The following AGAP1 variants were observed in gnomAD, a reference collection of about 807,000 sequenced individuals.
AGAP1 encodes the protein ArfGAP with GTPase domain, ankyrin repeat and PH domain 1.
AGAP1 carries 29 observed loss-of-function variants against 105.3 expected under a neutral mutation model. The ratio of observed to expected loss-of-function variants is 0.28; its 90% confidence interval spans 0.21 to 0.38. The LOEUF (loss-of-function observed/expected upper bound fraction) is 0.38. Among genes scored for constraint, AGAP1 ranks in the 10% least tolerant of loss-of-function variants. The pLI is 1.00. For synonymous variants in AGAP1, 509 were observed against 485.9 expected, an observed-to-expected ratio of 1.05 and a Z score of -0.63; for missense variants, 998 against 1,165.1, an observed-to-expected ratio of 0.86 and a Z score of 2.09.
In AGAP1 at chr2:235,864,055, G is replaced by A. The variant is rs904431233; in HGVS notation, c.1051-19290G>A. Among the ~76,000 whole-genome samples, 9 of 152,318 alleles carry A rather than the reference G, an allele frequency of 5.9e-5. No individual in the cohort carries two copies. The South Asian group carries it at 1.7e-3, about 28-fold the overall frequency. On this transcript the variant is annotated intron_variant, in intron 9 of 17. Transcript: ENST00000304032. The surrounding 1 kb of genome is among the most constrained non-coding windows in gnomAD (Gnocchi z 5.0). ...CTTCATAGCTTGCCTGGTGTGCTCGGTTTTGACTCTATAGATCTGACTTGA... is the reference window on the plus strand; with the variant it reads ...CTTCATAGCTTGCCTGGTGTGCTCGATTTTGACTCTATAGATCTGACTTGA...
intron 1 of AGAP1, among the ~76,000 whole-genome samples, chr2:235,585,614 C>T (rs999400929): frequency 6.6e-6 from 1 of 152,190 alleles, no homozygotes; most frequent in Admixed American, 6.5e-5. Flanking sequence ...TTGATCCTTA[C>T]ATCATCATCT....
chr2:235,671,546 T>C (rs575125501), intron 1 of AGAP1, among the ~76,000 whole-genome samples: 1 of 152,206 alleles, frequency 6.6e-6, no homozygotes, highest in East Asian at 1.9e-4. Flanking sequence ...AGTGTTGTGA[T>C]GTGGACTCAG....
intron 16 of AGAP1, among the ~76,000 whole-genome samples, chr2:236,069,126 TAAAAA>T (rs1056836570): frequency 2.2e-5 from 3 of 138,142 alleles, no homozygotes; most frequent in Non-Finnish European, 4.7e-5. Flanking sequence ...GACTCCATCT[TAAAAA>T]AAAAAAAAGA....
intron 16 of AGAP1, among the ~76,000 whole-genome samples, chr2:236,108,210 CAGTGGG>C (rs2059550274): frequency 6.6e-6 from 1 of 152,244 alleles, no homozygotes; most frequent in Non-Finnish European, 1.5e-5. Context: ...CGCCCGCTCG[CAGTGGG>C]CCGGGGTCTT....
At chr2:235,532,466 A>G (rs1265973344) in intron 1 of AGAP1, among the ~76,000 whole-genome samples, 1 of 152,196 alleles carries the variant, frequency 6.6e-6, no homozygotes, top group African/African-American at 2.4e-5. Context: ...TCGGGCTCCC[A>G]GAATGCTAGG....
At chr2:236,022,321 GACA>G (rs1447825991) in intron 13 of AGAP1, among the ~76,000 whole-genome samples, 1 of 152,188 alleles carries the variant, frequency 6.6e-6, no homozygotes, top group African/African-American at 2.4e-5. Context: ...TAAGCCACAG[GACA>G]ACACCTCTGT....
rs10700794 is a variant in AGAP1 at position 235,686,556 on chromosome 2, TACAC to T, written c.164-22594_164-22591del. 8.1e-3 allele frequency among the ~76,000 whole-genome samples: 829 copies of T among 101,820 alleles called. 5 individuals are homozygous for T. Among genetic ancestry groups the T allele is most frequent in the South Asian group, 0.014 (48 of 3,364 alleles). 66.8% of individuals were successfully genotyped at this position (101,820 alleles called of 152,430 possible). A position where few individuals can be genotyped will look rare whatever the true frequency, so the allele number is the denominator to read the frequency against. ...GGTTCCCAGGAAGGAGATATATATATACACACACACACACACACACACACACACA... is the reference window on the plus strand; with the variant it reads ...GGTTCCCAGGAAGGAGATATATATATACACACACACACACACACACACACA... On this transcript the variant is annotated intron_variant, in intron 1 of 17. Coordinates refer to ENST00000304032, the MANE Select transcript of AGAP1 (RefSeq NM_001037131.3).
chr2:235,589,201 T>TTTTTG (rs1553573653), intron 1 of AGAP1, among the ~76,000 whole-genome samples: 2 of 98,954 alleles, frequency 2.0e-5, no homozygotes, highest in African/African-American at 1.4e-4. Flanking sequence ...TTTGTTTTTT[T>TTTTTG]TTTTTTTTTT....
At chr2:235,823,369 A>G (rs1958904219) in intron 9 of AGAP1, among the ~76,000 whole-genome samples, 1 of 152,094 alleles carries the variant, frequency 6.6e-6, no homozygotes, top group Non-Finnish European at 1.5e-5. Flanking sequence ...TCCTGGCCTC[A>G]AGCAAACCTC....
chr2:236,081,733 C>G (rs946128111), intron 16 of AGAP1, among the ~76,000 whole-genome samples: 2 of 150,262 alleles, frequency 1.3e-5, no homozygotes, highest in Admixed American at 6.6e-5. Context: ...AAGTAGAATC[C>G]TATTGCTAAT....
intron 16 of AGAP1, among the ~76,000 whole-genome samples, chr2:236,086,280 C>T (rs1263379222): frequency 6.6e-6 from 1 of 152,168 alleles, no homozygotes; most frequent in East Asian, 1.9e-4. Context: ...TTACTATTGA[C>T]TTGAAATTCT....
At position 235,983,887 on chromosome 2, in the gene AGAP1, G is replaced by A. The variant is rs1559723984; in HGVS notation, c.1645+15264G>A. Among the ~76,000 whole-genome samples, 1 of 152,170 alleles carries A rather than the reference G, an allele frequency of 6.6e-6. No homozygotes were observed. Among genetic ancestry groups the A allele is most frequent in the East Asian group, 1.9e-4 (1 of 5,194 alleles). The stretch of plus-strand genomic sequence containing the variant: ...CTCAGAATGCATCACTTAACGATGG[G>A]GATACATGGCTGTATGTAACATAAA... On this transcript the variant is annotated intron_variant, in intron 13 of 17. Transcript: ENST00000304032. The surrounding 1 kb of genome is among the most constrained non-coding windows in gnomAD (Gnocchi z 4.5).
chr2:236,028,585 G>T (rs932257062), intron 13 of AGAP1, among the ~76,000 whole-genome samples: 1 of 152,076 alleles, frequency 6.6e-6, no homozygotes, highest in Non-Finnish European at 1.5e-5. Flanking sequence ...TTGCCCATTT[G>T]CCAACTGCTG....
intron 13 of AGAP1, among the ~76,000 whole-genome samples, chr2:235,995,722 A>G (rs142444012): frequency 6.6e-6 from 1 of 152,230 alleles, no homozygotes; most frequent in East Asian, 1.9e-4. Context: ...CTTTGGTCCT[A>G]TTGAGGATTC....
rs1308041925 is a variant in AGAP1, at chr2:236,114,358, A to G, written c.2115-5834A>G. Reference sequence around the variant, plus strand: ...AAATGCCTCTAGACGGAATAGTCTCATCGAGAAGAAGCCATTGTCAGCGTG... The same window carrying G: ...AAATGCCTCTAGACGGAATAGTCTCGTCGAGAAGAAGCCATTGTCAGCGTG... On this transcript the variant is annotated intron_variant, in intron 16 of 17. Coordinates refer to ENST00000304032, the MANE Select transcript of AGAP1 (RefSeq NM_001037131.3). This position sits in a 1 kb window ranked among gnomAD's most constrained non-coding sequence, Gnocchi z 5.0. Among the ~76,000 whole-genome samples the G allele has an allele frequency of 6.6e-6, 1 of 152,254 alleles. No homozygotes were observed. Among genetic ancestry groups the G allele is most frequent in the African/African-American group, 2.4e-5 (1 of 41,474 alleles).
At chr2:235,920,700 A>G (rs1294500732) in intron 11 of AGAP1, among the ~76,000 whole-genome samples, 1 of 152,252 alleles carries the variant, frequency 6.6e-6, no homozygotes, top group Non-Finnish European at 1.5e-5. Flanking sequence ...CAGTTCATAC[A>G]TGAAGAGACA....
intron 1 of AGAP1, among the ~76,000 whole-genome samples, chr2:235,560,020 T>C (rs1335146486): frequency 6.6e-6 from 1 of 152,200 alleles, no homozygotes; most frequent in Non-Finnish European, 1.5e-5. Context: ...TTTTCTTTGA[T>C]TATTTGGACT....
chr2:235,813,292 C>G (rs1958260599), intron 9 of AGAP1, among the ~76,000 whole-genome samples: 1 of 152,242 alleles, frequency 6.6e-6, no homozygotes, highest in African/African-American at 2.4e-5. Flanking sequence ...ATATGCAAAT[C>G]TGCAAAGCAA....
intron 1 of AGAP1, among the ~76,000 whole-genome samples, chr2:235,616,965 T>A (rs553882692): frequency 3.7e-4 from 56 of 152,188 alleles, no homozygotes; most frequent in African/African-American, 1.2e-3. Context: ...TTTTTTTATT[T>A]TTTTTTTTTA....
Sources: allele counts gnomAD v4.1 joint callset (sites outside exome capture counted in the v4.1 genomes callset), GRCh38; gene constraint gnomAD v4.1.1; non-coding constraint Gnocchi (gnomAD v3.1); transcripts MANE v1.5; gene names NCBI Gene and HGNC (gene_info 2026-07-23, HGNC 2026-07-21).